GRIP2: variants seen among roughly 807,000 people sequenced by gnomAD.
GRIP2 encodes the protein glutamate receptor-interacting protein 2.
Under a neutral mutation model 108.3 loss-of-function variants are expected in GRIP2, and 58 were observed. That is an observed-to-expected ratio of 0.54 (90% confidence interval 0.43 to 0.67). The LOEUF (loss-of-function observed/expected upper bound fraction) is 0.67, where lower values mean the gene tolerates loss of function less well. Among genes scored for constraint, GRIP2 ranks in the 30% least tolerant of loss-of-function variants. GRIP2 has a pLI of 0.00. For synonymous variants in GRIP2, 586 were observed against 598.2 expected (o/e 0.98, Z 0.30); for missense variants, 1,278 against 1,430.6 (o/e 0.89, Z 1.72).
chr3:14,587,649 A>G, the GRIP2 span, among the ~76,000 whole-genome samples: 1 of 151,888 alleles, frequency 6.6e-6, no homozygotes, highest in Non-Finnish European at 1.5e-5. Flanking sequence ...CAAAAAAAAA[A>G]AAAAAACAAA....
chr3:14,538,061 G>A (rs373907120), intron 1 of GRIP2, among the ~76,000 whole-genome samples: 3 of 152,286 alleles, frequency 2.0e-5, no homozygotes, highest in South Asian at 2.1e-4. Flanking sequence ...GGAGTGAGAC[G>A]ACATGCCCAG....
chr3:14,566,463 C>T, the GRIP2 span, among the ~76,000 whole-genome samples: 1 of 152,246 alleles, frequency 6.6e-6, no homozygotes, highest in Non-Finnish European at 1.5e-5. Flanking sequence ...GATCCATACC[C>T]ACCACGCTGT....
At chr3:14,546,412 T>C (rs1695058878), upstream of GRIP2, among the ~76,000 whole-genome samples, 1 of 152,078 alleles carries the variant, frequency 6.6e-6, no homozygotes, top group South Asian at 2.1e-4. Context: ...AGGGTCAGGA[T>C]GGCACGGGGG....
chr3:14,524,525 T>C lies in GRIP2; in HGVS notation c.271A>G (p.Asn91Asp). The C allele has an allele frequency of 6.4e-7, 1 of 1,553,140 alleles. No individual in the cohort carries two copies. The highest frequency in any genetic ancestry group is 1.2e-5 in the South Asian group (1 of 84,122). ...ACAGACCGAATATAGTCACCAATGT[T>C]CAGCAGATCACTCCTAGAGCAGGAA... Reference protein sequence around the residue: ...GGLAARSDLLNIGDYIRSVNG... With the variant: ...GGLAARSDLLDIGDYIRSVNG... Residue 91 changes from asparagine to aspartate, a missense_variant, in exon 4 of 24, where the codon AAC becomes GAC. Physicochemically the swap from Asn to Asp is conservative, Grantham distance 23. Coordinates refer to ENST00000621039, the MANE Select transcript of GRIP2 (RefSeq NM_001080423.4).
At chr3:14,574,632 G>A in the GRIP2 span, 3 of 669,970 alleles carry the variant, frequency 4.5e-6, no homozygotes, top group Non-Finnish European at 8.3e-6. Flanking sequence ...GGCAAAGAAG[G>A]ATGTGTCCAT....
chr3:14,546,430 T>A (rs1695059263), upstream of GRIP2, among the ~76,000 whole-genome samples: 1 of 151,558 alleles, frequency 6.6e-6, no homozygotes, highest in African/African-American at 2.4e-5. Flanking sequence ...GGGTGAGGGG[T>A]CTGAGGGAGG....
chr3:14,529,794 G>C (rs11919118), intron 1 of GRIP2, among the ~76,000 whole-genome samples: 6 of 151,880 alleles, frequency 4.0e-5, no homozygotes, highest in Admixed American at 3.3e-4. Context: ...CTGTTTCCTC[G>C]TGTGGTTGGT....
At chr3:14,581,425 A>G in the GRIP2 span, among the ~76,000 whole-genome samples, 1 of 152,034 alleles carries the variant, frequency 6.6e-6, no homozygotes, top group South Asian at 2.1e-4. Flanking sequence ...TCCCTCCCCA[A>G]CCCTGTCCAT....
chr3:14,528,335 T>C (rs1043310158), intron 1 of GRIP2, among the ~76,000 whole-genome samples: 4 of 152,248 alleles, frequency 2.6e-5, no homozygotes, highest in Non-Finnish European at 5.9e-5. Flanking sequence ...TGATTTTGAA[T>C]AAAGCCATAA....
At chr3:14,566,297 G>T in the GRIP2 span, among the ~76,000 whole-genome samples, 1 of 152,208 alleles carries the variant, frequency 6.6e-6, no homozygotes, top group Non-Finnish European at 1.5e-5. Context: ...AGCCCACAAG[G>T]CCACAGAGCT....
chr3:14,574,434 C>T, the GRIP2 span: 1 of 717,972 alleles, frequency 1.4e-6, no homozygotes, highest in Non-Finnish European at 2.5e-6. Context: ...GGTGTCTTCC[C>T]GCTTCCGCCA....
intron 21 of GRIP2, among the ~76,000 whole-genome samples, chr3:14,498,086 A>C (rs114817157): frequency 6.6e-6 from 1 of 152,162 alleles, no homozygotes; most frequent in African/African-American, 2.4e-5. Flanking sequence ...AATTCCCACT[A>C]TTAGTGCATA....
chr3:14,538,173 C>G (rs1170602702), intron 1 of GRIP2, among the ~76,000 whole-genome samples: 2 of 152,212 alleles, frequency 1.3e-5, no homozygotes, highest in African/African-American at 2.4e-5. Context: ...GGGGCACTCA[C>G]TGACGCACAC....
upstream of GRIP2, among the ~76,000 whole-genome samples, chr3:14,557,925 A>G (rs1695261596): frequency 2.0e-5 from 3 of 152,356 alleles, no homozygotes; most frequent in Middle Eastern, 3.4e-3. Flanking sequence ...GTTACACGAG[A>G]TCACAAGCAT....
the GRIP2 span, among the ~76,000 whole-genome samples, chr3:14,570,011 C>A: frequency 1.3e-5 from 2 of 152,128 alleles, no homozygotes; most frequent in Non-Finnish European, 2.9e-5. Flanking sequence ...ATGGCTTGCT[C>A]AAGGTCACCT....
intron 11 of GRIP2, 63 bp from the exon 12 acceptor site, chr3:14,514,541 C>T (rs1039801729): frequency 6.8e-7 from 1 of 1,460,564 alleles, no homozygotes; most frequent in South Asian, 1.4e-5. Context: ...CTGCCAGGGC[C>T]TGCCCATCCC....
chr3:14,496,831 A>C (rs7638680), intron 21 of GRIP2, among the ~76,000 whole-genome samples: 93,079 of 152,102 alleles, frequency 0.61, 28,710 homozygotes, highest in South Asian at 0.77. Context: ...CCTATAACTC[A>C]TTTTATTCTC....
chr3:14,505,583 C>T lies in GRIP2; in HGVS notation c.2573+32G>A, dbSNP rs1693896608. Reference sequence around the variant, plus strand: ...CCACCCCAGCCAAGACACTGTGACTCCCTCCTCCTTCACGGTGCTCCCACC... The same window carrying T: ...CCACCCCAGCCAAGACACTGTGACTTCCTCCTCCTTCACGGTGCTCCCACC... On this transcript the variant is annotated intron_variant, in intron 20 of 23. Transcript: ENST00000621039. The surrounding 1 kb of genome is among the most constrained non-coding windows in gnomAD (Gnocchi z 4.2). The T allele has an allele frequency of 6.3e-7, 1 of 1,595,638 alleles. No individual in the cohort carries two copies. The highest frequency in any genetic ancestry group is 1.3e-5 in the African/African-American group (1 of 74,456).
At chr3:14,495,100 C>T in intron 22 of GRIP2, 111 bp from the exon 23 acceptor site, 1 of 1,395,758 alleles carries the variant, frequency 7.2e-7, no homozygotes. Context: ...CAGCCACACC[C>T]CCCAGGCTGC....
Sources: gnomAD v4.1 joint callset for allele counts (sites outside exome capture counted in the v4.1 genomes callset) on GRCh38, gnomAD v4.1.1 for gene constraint, Gnocchi (gnomAD v3.1) non-coding constraint, MANE v1.5 for transcripts, NCBI Gene and HGNC (gene_info 2026-07-23, HGNC 2026-07-21) for gene names.